The following PCGF6 variants were observed in gnomAD, a reference collection of about 807,000 sequenced individuals.
PCGF6 encodes polycomb group ring finger 6.
PCGF6 carries 24 observed loss-of-function variants against 45.5 expected under a neutral mutation model. That is an observed-to-expected ratio of 0.53 (90% CI 0.38 to 0.74). PCGF6 has a LOEUF of 0.74. Among genes scored for constraint, PCGF6 ranks in the 30% least tolerant of loss-of-function variants. The pLI is 0.00. For synonymous variants in PCGF6, 152 were observed against 162.1 expected, an observed-to-expected ratio of 0.94 and a Z score of 0.47; for missense variants, 356 against 443.2, an observed-to-expected ratio of 0.80 and a Z score of 1.77.
chr10:103,321,900 CTT>C (rs778526068), intron 8 of PCGF6, among the ~76,000 whole-genome samples: 3 of 144,526 alleles, frequency 2.1e-5, no homozygotes, highest in Non-Finnish European at 1.5e-5. Context: ...TTTCATTTCA[CTT>C]TTTTTTTTTT....
chr10:103,307,797 CAA>C (rs1379559987), intron 9 of PCGF6, among the ~76,000 whole-genome samples: 3 of 152,150 alleles, frequency 2.0e-5, no homozygotes, highest in Admixed American at 6.6e-5. Context: ...GATGCTTGCA[CAA>C]TCATTAAATT....
chr10:103,329,043 C>A (rs1385914849), intron 7 of PCGF6, among the ~76,000 whole-genome samples: 1 of 138,904 alleles, frequency 7.2e-6, no homozygotes, highest in East Asian at 2.2e-4. Flanking sequence ...CTGCGCCCGG[C>A]GGATTTTAAC....
chr10:103,315,559 G>C (rs1371315767), intron 8 of PCGF6, among the ~76,000 whole-genome samples: 2 of 152,044 alleles, frequency 1.3e-5, no homozygotes, highest in African/African-American at 4.8e-5. Context: ...CGGGGTTTCA[G>C]TGTGTTAGCC....
At chr10:103,307,115 A>G (rs1483820274) in intron 9 of PCGF6, among the ~76,000 whole-genome samples, 1 of 151,364 alleles carries the variant, frequency 6.6e-6, no homozygotes, top group Non-Finnish European at 1.5e-5. Flanking sequence ...AAAACAAACA[A>G]AAAATAAAAA....
intron 9 of PCGF6, among the ~76,000 whole-genome samples, chr10:103,308,990 G>C (rs1180936624): frequency 2.0e-5 from 3 of 152,296 alleles, no homozygotes; most frequent in East Asian, 3.9e-4. Context: ...TTTGGAATGA[G>C]AGTTATTTGC....
At chr10:103,338,852 G>A (rs1437701747) in intron 6 of PCGF6, among the ~76,000 whole-genome samples, 1 of 151,964 alleles carries the variant, frequency 6.6e-6, no homozygotes, top group Non-Finnish European at 1.5e-5. Flanking sequence ...TGGACAAGAA[G>A]AGTGAAACTC....
intron 6 of PCGF6, among the ~76,000 whole-genome samples, chr10:103,338,704 T>C (rs905814127): frequency 6.7e-6 from 1 of 150,142 alleles, no homozygotes; most frequent in African/African-American, 2.5e-5. Context: ...CCATCTCTAC[T>C]AAAAATACAA....
At chr10:103,344,335 G>A (rs1044126162) in intron 6 of PCGF6, among the ~76,000 whole-genome samples, 1 of 150,118 alleles carries the variant, frequency 6.7e-6, no homozygotes, top group East Asian at 1.9e-4. Flanking sequence ...GCGGTGGCAC[G>A]ACCTCGGTTC....
intron 9 of PCGF6, among the ~76,000 whole-genome samples, chr10:103,312,829 C>T (rs528468555): frequency 1.3e-5 from 2 of 152,156 alleles, no homozygotes; most frequent in South Asian, 2.1e-4. Context: ...GGCGTGGTGG[C>T]GCATGCCTGT....
intron 8 of PCGF6, among the ~76,000 whole-genome samples, chr10:103,320,478 G>A (rs917555497): frequency 6.6e-6 from 1 of 152,072 alleles, no homozygotes; most frequent in Non-Finnish European, 1.5e-5. Context: ...CCTGAGGCTG[G>A]GAGTTCAAGA....
At chr10:103,313,720 A>T (rs997417155) in intron 9 of PCGF6, among the ~76,000 whole-genome samples, 6 of 152,352 alleles carry the variant, frequency 3.9e-5, no homozygotes, top group Admixed American at 3.9e-4. Flanking sequence ...CACAGGTTGG[A>T]CAAACTTGGC....
intron 9 of PCGF6, among the ~76,000 whole-genome samples, chr10:103,309,363 A>C (rs61350103): frequency 0.46 from 69,273 of 151,952 alleles, 15,955 homozygotes; most frequent in South Asian, 0.64. Flanking sequence ...CCCTTTGGTA[A>C]TGTCCTCACA....
At chr10:103,309,936 G>C (rs189603392) in intron 9 of PCGF6, among the ~76,000 whole-genome samples, 80 of 151,818 alleles carry the variant, frequency 5.3e-4, no homozygotes, top group African/African-American at 1.8e-3. Context: ...GGGCAAAACA[G>C]AGTGAGACCT....
chr10:103,335,454 C>T (rs1041857574), intron 6 of PCGF6, among the ~76,000 whole-genome samples: 13 of 151,802 alleles, frequency 8.6e-5, no homozygotes, highest in African/African-American at 1.7e-4. Flanking sequence ...CTCTGCCTCC[C>T]GGGTTCAAGC....
chr10:103,350,729 T>G lies in PCGF6; in HGVS notation c.338A>C (p.Gln113Pro). 6.5e-7 allele frequency: 1 copy of G among 1,543,670 alleles called. No homozygotes were observed. Among genetic ancestry groups the G allele is most frequent in the Non-Finnish European group, 8.7e-7 (1 of 1,143,944 alleles). The change falls in exon 1 of 10, where the codon CAG becomes CCG. Residue 113 changes from glutamine to proline, a missense_variant. Physicochemically the swap from Gln to Pro is moderately conservative, Grantham distance 76. Around this residue, in one of 2 missense-constraint regions of PCGF6, gnomAD observed 307 missense variants for 350.1 expected, o/e 0.88. Coordinates refer to ENST00000369847, the MANE Select transcript of PCGF6 (RefSeq NM_001011663.2). ...HFSLRLEGGR[Q>P]DSEDEEERLI... Reference sequence around the variant, plus strand: ...TACCTCCTCCTCGTCCTCCGAGTCCTGCCGGCCTCCCTCCAGCCTCAACGA... The same window carrying G: ...TACCTCCTCCTCGTCCTCCGAGTCCGGCCGGCCTCCCTCCAGCCTCAACGA...
rs760346270 is a variant in PCGF6 at position 103,336,653 on chromosome 10, T to C, written c.783-2701A>G. ...ACTCTGGGAGGCTGAGGTAGGTGGA[T>C]CGCTTGAGGTCAGGAGTTTGAGACT... On this transcript the variant is annotated intron_variant, in intron 6 of 9. Transcript: ENST00000369847. Among the ~76,000 whole-genome samples the C allele has an allele frequency of 8.5e-5, 13 of 152,118 alleles. 1 individual carries two copies. The highest frequency in any genetic ancestry group is 1.2e-4 in the African/African-American group (5 of 41,436).
intron 9 of PCGF6, among the ~76,000 whole-genome samples, chr10:103,304,518 T>C (rs2093130891): frequency 6.6e-6 from 1 of 152,096 alleles, no homozygotes; most frequent in Non-Finnish European, 1.5e-5. Flanking sequence ...ATTTTGTATT[T>C]TTAGTAGAGA....
chr10:103,310,973 A>T (rs2093155258), intron 9 of PCGF6, among the ~76,000 whole-genome samples: 1 of 151,934 alleles, frequency 6.6e-6, no homozygotes, highest in African/African-American at 2.4e-5. Flanking sequence ...GGTAACTGGG[A>T]CCACAGGTAT....
At chr10:103,338,728 C>T (rs889449540) in intron 6 of PCGF6, among the ~76,000 whole-genome samples, 39 of 151,602 alleles carry the variant, frequency 2.6e-4, no homozygotes, top group African/African-American at 8.7e-4. Context: ...CTTAACCGGG[C>T]ATGGTGGCAC....
Sources: allele counts gnomAD v4.1 joint callset (sites outside exome capture counted in the v4.1 genomes callset), GRCh38; gene constraint gnomAD v4.1.1; regional missense constraint gnomAD v4.1.1; transcripts MANE v1.5; gene names NCBI Gene and HGNC (gene_info 2026-07-23, HGNC 2026-07-21).